JAK1: variants seen among roughly 807,000 people sequenced by gnomAD.
JAK1 encodes the protein tyrosine-protein kinase JAK1.
Under a neutral mutation model 136.6 loss-of-function variants are expected in JAK1, and 16 were observed. The observed-to-expected ratio is 0.12, with a 90% CI of 0.08 to 0.18. JAK1 has a LOEUF of 0.18. Among genes scored for constraint, JAK1 ranks in the 10% least tolerant of loss-of-function variants. The pLI, the probability that JAK1 is intolerant of heterozygous loss-of-function variation, is 1.00. For synonymous variants in JAK1, 492 were observed against 519.5 expected, an observed-to-expected ratio of 0.95 and a Z score of 0.72; for missense variants, 859 against 1,450.1, an observed-to-expected ratio of 0.59 and a Z score of 6.62.
At chr1:65,056,466 C>A (rs1647544142) in intron 1 of JAK1, among the ~76,000 whole-genome samples, 1 of 152,176 alleles carries the variant, frequency 6.6e-6, no homozygotes, top group Admixed American at 6.5e-5. Flanking sequence ...TGAGGACTGG[C>A]ACAATGAAGG....
At chr1:65,019,638 C>G (rs763203668) in intron 2 of JAK1, among the ~76,000 whole-genome samples, 1 of 152,052 alleles carries the variant, frequency 6.6e-6, no homozygotes, top group Non-Finnish European at 1.5e-5. Flanking sequence ...GATGTGAGGC[C>G]GGGCATGGTG....
chr1:64,970,312 G>C (rs1199817035), upstream of JAK1, among the ~76,000 whole-genome samples: 2 of 151,186 alleles, frequency 1.3e-5, no homozygotes, highest in Non-Finnish European at 2.9e-5. Context: ...ATGGTGGTGG[G>C]CACCTGTAAT....
At chr1:64,981,947 A>G (rs1229165114) in intron 2 of JAK1, among the ~76,000 whole-genome samples, 1 of 152,212 alleles carries the variant, frequency 6.6e-6, no homozygotes, top group Non-Finnish European at 1.5e-5. Context: ...AAACTATCCC[A>G]ACAGTTAGTG....
chr1:64,935,892 G>A (rs980537722), intron 1 of JAK1, among the ~76,000 whole-genome samples: 2 of 152,132 alleles, frequency 1.3e-5, no homozygotes, highest in Admixed American at 6.5e-5. Context: ...AATGCTGGAG[G>A]GCGAACTGAC....
chr1:64,881,959 C>T (rs911238540), intron 3 of JAK1, among the ~76,000 whole-genome samples: 57 of 152,164 alleles, frequency 3.7e-4, no homozygotes, highest in African/African-American at 1.3e-3. Context: ...TTAAAAAAAA[C>T]TTTAGAACCA....
At chr1:65,013,473 A>G (rs1167440308) in intron 2 of JAK1, among the ~76,000 whole-genome samples, 1 of 152,114 alleles carries the variant, frequency 6.6e-6, no homozygotes, top group East Asian at 1.9e-4. Context: ...CAAAGGCTAC[A>G]TTTTCCCCAA....
intron 1 of JAK1, among the ~76,000 whole-genome samples, chr1:64,901,724 G>T (rs146088251): frequency 2.5e-4 from 38 of 152,184 alleles, no homozygotes; most frequent in African/African-American, 8.9e-4. Context: ...AATCTCAAAA[G>T]AGTGCAACCA....
intron 1 of JAK1, among the ~76,000 whole-genome samples, chr1:64,944,429 C>T (rs1465392344): frequency 2.0e-5 from 3 of 151,884 alleles, no homozygotes; most frequent in Admixed American, 2.0e-4. Flanking sequence ...GTCTTTTGAC[C>T]TAGAAGTTCT....
chr1:64,962,417 C>T (rs1646298060), intron 1 of JAK1, among the ~76,000 whole-genome samples: 1 of 152,162 alleles, frequency 6.6e-6, no homozygotes, highest in Non-Finnish European at 1.5e-5. Context: ...GGCAGTTTAT[C>T]CGCAGAGCAC....
intron 8 of JAK1, among the ~76,000 whole-genome samples, chr1:64,862,003 G>A (rs1656376745): frequency 6.6e-6 from 1 of 152,222 alleles, no homozygotes; most frequent in African/African-American, 2.4e-5. Flanking sequence ...ACAGAAATGA[G>A]GGATGCCAAG....
At chr1:64,868,442 A>G (rs1200434159) in intron 6 of JAK1, among the ~76,000 whole-genome samples, 1 of 152,232 alleles carries the variant, frequency 6.6e-6, no homozygotes, top group Admixed American at 6.5e-5. Flanking sequence ...AATGTAATAT[A>G]ACAGAATTAG....
chr1:64,909,005 C>G (rs186730538), intron 1 of JAK1, among the ~76,000 whole-genome samples: 2 of 150,506 alleles, frequency 1.3e-5, no homozygotes, highest in Admixed American at 1.3e-4. Flanking sequence ...AATGAATGAA[C>G]GAACGAACGA....
At chr1:64,959,893 G>A (rs1225252792) in intron 1 of JAK1, among the ~76,000 whole-genome samples, 1 of 152,068 alleles carries the variant, frequency 6.6e-6, no homozygotes, top group Non-Finnish European at 1.5e-5. Context: ...AATATAATTT[G>A]AGGGTTTTTT....
chr1:64,952,062 A>G (rs1646101521), intron 1 of JAK1, among the ~76,000 whole-genome samples: 1 of 152,234 alleles, frequency 6.6e-6, no homozygotes, highest in African/African-American at 2.4e-5. Flanking sequence ...CCAAGCCAAC[A>G]CACAAAAGGC....
intron 5 of JAK1, among the ~76,000 whole-genome samples, chr1:64,870,111 C>A (rs1337062489): frequency 1.3e-5 from 2 of 152,170 alleles, no homozygotes; most frequent in Admixed American, 6.5e-5. Flanking sequence ...GTGCCCAGCC[C>A]AGCTTTGTAC....
In JAK1 at chr1:64,975,594, C is replaced by T. The variant is rs372194155; in HGVS notation, c.-78+68886G>A. Among the ~76,000 whole-genome samples, 30 of 152,320 alleles carry T rather than the reference C, an allele frequency of 2.0e-4. 5 individuals are homozygous for T. Among genetic ancestry groups the T allele is most frequent in the Admixed American group, 3.3e-4 (5 of 15,304 alleles). On this transcript the variant is annotated intron_variant, in intron 2 of 25. Coordinates refer to the JAK1 transcript ENST00000671954. ...CCTGGTTCACATCCTGTCCCTTTTG[C>T]ATGGCCCATTTCCCTCACCCTTAGC... is the stretch of plus-strand genomic sequence containing the variant.
At chr1:65,010,358 A>G (rs1646838780) in intron 2 of JAK1, among the ~76,000 whole-genome samples, 1 of 152,012 alleles carries the variant, frequency 6.6e-6, no homozygotes. Context: ...TGCCCTCAGA[A>G]CACTTGCTCT....
intron 1 of JAK1, among the ~76,000 whole-genome samples, chr1:65,052,096 G>A (rs2100861453): frequency 6.8e-6 from 1 of 147,680 alleles, no homozygotes; most frequent in Admixed American, 7.0e-5. Context: ...GGGACTACAA[G>A]CATGCACCAC....
At chr1:65,051,910 C>T (rs1647295405) in intron 1 of JAK1, among the ~76,000 whole-genome samples, 1 of 152,098 alleles carries the variant, frequency 6.6e-6, no homozygotes, top group Admixed American at 6.6e-5. Context: ...AACCCGAAAC[C>T]TTGTCAGACA....
Sources: gnomAD v4.1 joint callset for allele counts (sites outside exome capture counted in the v4.1 genomes callset) on GRCh38, gnomAD v4.1.1 for gene constraint, MANE v1.5 for transcripts, NCBI Gene and HGNC (gene_info 2026-07-23, HGNC 2026-07-21) for gene names.